ARHGAP26: variants seen among roughly 807,000 people sequenced by gnomAD.
ARHGAP26 encodes rho GTPase-activating protein 26.
In ARHGAP26, 38 loss-of-function variants were observed where a neutral mutation model predicts 104.8. That is an observed-to-expected ratio of 0.36 (90% CI 0.28 to 0.48). ARHGAP26 has a LOEUF of 0.48. Ranked by LOEUF, ARHGAP26 falls within the 20% of genes least tolerant of loss-of-function variation. The pLI is 0.99. For synonymous variants in ARHGAP26, 341 were observed against 340.0 expected, an observed-to-expected ratio of 1.00 and a Z score of -0.03; for missense variants, 704 against 947.9, an observed-to-expected ratio of 0.74 and a Z score of 3.38.
chr5:142,904,735 T>C (rs1411498126), intron 8 of ARHGAP26, among the ~76,000 whole-genome samples: 4 of 152,178 alleles, frequency 2.6e-5, no homozygotes, highest in Non-Finnish European at 5.9e-5. Context: ...AGAAAGTGAA[T>C]GTTTTTTTCT....
intron 10 of ARHGAP26, among the ~76,000 whole-genome samples, chr5:142,918,387 T>C (rs1057128347): frequency 3.3e-5 from 5 of 152,342 alleles, no homozygotes; most frequent in African/African-American, 1.2e-4. Context: ...CCTCAGGTGA[T>C]CCGCCTGCCT....
intron 17 of ARHGAP26, among the ~76,000 whole-genome samples, chr5:143,101,784 C>G (rs1793274474): frequency 6.6e-6 from 1 of 151,320 alleles, no homozygotes; most frequent in Non-Finnish European, 1.5e-5. Context: ...GCTGCATGTT[C>G]TACACAAAAT....
intron 20 of ARHGAP26, among the ~76,000 whole-genome samples, chr5:143,196,258 C>A (rs1207664653): frequency 6.6e-6 from 1 of 152,146 alleles, no homozygotes; most frequent in Admixed American, 6.5e-5. Flanking sequence ...CAGTCCTCTT[C>A]TTCCCCACAA....
rs540299731 is a variant in ARHGAP26 at position 143,177,367 on chromosome 5, C to T, written c.1989-29831C>T. Among the ~76,000 whole-genome samples, 7 of 152,130 alleles carry T rather than the reference C, an allele frequency of 4.6e-5. No individual in the cohort carries two copies. The South Asian group carries it at 8.3e-4, about 18-fold the overall frequency. On this transcript the variant is annotated intron_variant, in intron 20 of 22. Coordinates refer to ENST00000645722, the MANE Select transcript of ARHGAP26 (RefSeq NM_001135608.3). ...ATCACGAGCCTGTAGGATTTGGATC[C>T]GTGAAATGTATGTGAGATCACCAAG...
At chr5:142,806,922 C>T (rs780933529) in intron 1 of ARHGAP26, among the ~76,000 whole-genome samples, 1 of 152,166 alleles carries the variant, frequency 6.6e-6, no homozygotes, top group African/African-American at 2.4e-5. Flanking sequence ...AGGCTCTGCA[C>T]CAACTGTATG....
At chr5:142,841,658 CAGG>C (rs1182747203) in intron 1 of ARHGAP26, among the ~76,000 whole-genome samples, 1 of 152,172 alleles carries the variant, frequency 6.6e-6, no homozygotes, top group Non-Finnish European at 1.5e-5. Flanking sequence ...TGCAAGGGAG[CAGG>C]AGATGTCAGA....
chr5:143,073,361 A>G (rs1477507968), intron 17 of ARHGAP26, among the ~76,000 whole-genome samples: 1 of 152,128 alleles, frequency 6.6e-6, no homozygotes, highest in Non-Finnish European at 1.5e-5. Flanking sequence ...TATACTCTCT[A>G]GTGTTATTGA....
At chr5:143,128,894 C>T (rs1243530126) in intron 18 of ARHGAP26, among the ~76,000 whole-genome samples, 1 of 152,178 alleles carries the variant, frequency 6.6e-6, no homozygotes, top group Non-Finnish European at 1.5e-5. Flanking sequence ...AGGAGCTCTT[C>T]GTCATGACCT....
rs1001591673 is a variant in ARHGAP26 at position 143,226,923 on chromosome 5, A to C, written c.*4477A>C. The C allele has an allele frequency of 8.8e-6, 2 of 227,224 alleles. No homozygotes were observed. The highest frequency in any genetic ancestry group is 4.4e-5 in the African/African-American group (2 of 45,030). 14.1% of individuals were successfully genotyped at this position (227,224 alleles called of 1,614,324 possible). On this transcript the variant is annotated 3_prime_UTR_variant, in exon 23 of 23. Transcript: ENST00000645722. The stretch of plus-strand genomic sequence containing the variant: ...TGTGTGTGCCATACCTGCGGCTCAA[A>C]GGGAAGGCCTTCTATCCCCTGAGTT...
chr5:143,164,160 T>A (rs2151084300), intron 20 of ARHGAP26, among the ~76,000 whole-genome samples: 1 of 152,218 alleles, frequency 6.6e-6, no homozygotes, highest in African/African-American at 2.4e-5. Flanking sequence ...AAAATAAAAT[T>A]TAGTTCATAT....
chr5:142,900,621 G>C (rs1760180810), intron 6 of ARHGAP26, among the ~76,000 whole-genome samples: 1 of 135,756 alleles, frequency 7.4e-6, no homozygotes, highest in Non-Finnish European at 1.6e-5. Flanking sequence ...AGGGGGGGCG[G>C]GATGAGATTC....
chr5:143,006,320 T>G lies in ARHGAP26; in HGVS notation c.1108-7760T>G, dbSNP rs1476583683. 3.9e-3 allele frequency among the ~76,000 whole-genome samples: 552 copies of G among 142,296 alleles called. 6 individuals carry two copies. Among genetic ancestry groups the G allele is most frequent in the African/African-American group, 0.012 (436 of 37,602 alleles). The allele number at this position is 142,296 out of a possible 152,430, so 93.4% of individuals were successfully genotyped here. On this transcript the variant is annotated intron_variant, in intron 11 of 22. Coordinates refer to ENST00000645722, the MANE Select transcript of ARHGAP26 (RefSeq NM_001135608.3). ...ACTCCACCTTTAGTGTTTTTTCTTT[T>G]TTTTTTTTTTTTTTTTTTAATTGCA...
In ARHGAP26 at chr5:142,990,864, T is replaced by A. The variant is rs141641205; in HGVS notation, c.1108-23216T>A. 7.1e-3 allele frequency among the ~76,000 whole-genome samples: 1,078 copies of A among 152,216 alleles called. 5 individuals are homozygous for A. Among genetic ancestry groups the A allele is most frequent in the African/African-American group, 0.025 (1,036 of 41,538 alleles). ...GGCATCTGGCTGTATCAGTTGTCAGTCGGCCCCTACTGAGTGGTGTCTCCC... is the reference window on the plus strand; with the variant it reads ...GGCATCTGGCTGTATCAGTTGTCAGACGGCCCCTACTGAGTGGTGTCTCCC... On this transcript the variant is annotated intron_variant, in intron 11 of 22. Coordinates refer to ENST00000645722, the MANE Select transcript of ARHGAP26 (RefSeq NM_001135608.3).
At chr5:143,146,934 G>A (rs943295796) in intron 19 of ARHGAP26, among the ~76,000 whole-genome samples, 1 of 152,204 alleles carries the variant, frequency 6.6e-6, no homozygotes, top group African/African-American at 2.4e-5. Context: ...AAAAGAAGAT[G>A]CAATTTATGG....
intron 17 of ARHGAP26, among the ~76,000 whole-genome samples, chr5:143,115,153 T>C (rs1795269080): frequency 6.6e-6 from 1 of 151,966 alleles, no homozygotes; most frequent in Non-Finnish European, 1.5e-5. Context: ...GCCAATATGA[T>C]GAAACCCCGT....
intron 12 of ARHGAP26, among the ~76,000 whole-genome samples, chr5:143,015,018 TC>T (rs901436990): frequency 1.4e-4 from 22 of 152,062 alleles, no homozygotes; most frequent in African/African-American, 5.3e-4. Context: ...CAGAGATTTT[TC>T]CCCCCCTTTC....
chr5:142,865,850 C>A (rs1454890198), intron 1 of ARHGAP26, among the ~76,000 whole-genome samples: 2 of 152,174 alleles, frequency 1.3e-5, no homozygotes, highest in African/African-American at 4.8e-5. Context: ...ACTCTGACCT[C>A]CTGTCCATCT....
chr5:142,937,880 T>C (rs1340657427), intron 11 of ARHGAP26, among the ~76,000 whole-genome samples: 1 of 152,042 alleles, frequency 6.6e-6, no homozygotes, highest in Non-Finnish European at 1.5e-5. Context: ...TATACGGACA[T>C]TGGAAGTAGG....
chr5:143,053,503 G>C (rs963944279), intron 14 of ARHGAP26, among the ~76,000 whole-genome samples: 6 of 152,138 alleles, frequency 3.9e-5, no homozygotes, highest in African/African-American at 1.2e-4. Flanking sequence ...GGACAGGATG[G>C]GGATCTGTGA....
Sources: gnomAD v4.1 joint callset for allele counts (sites outside exome capture counted in the v4.1 genomes callset) on GRCh38, gnomAD v4.1.1 for gene constraint, MANE v1.5 for transcripts, NCBI Gene and HGNC (gene_info 2026-07-23, HGNC 2026-07-21) for gene names.